MAP3K15: variants seen among roughly 807,000 people sequenced by gnomAD.
MAP3K15 encodes MAPK/ERK kinase kinase 15.
MAP3K15 carries 124 observed loss-of-function variants against 99.5 expected under a neutral mutation model. The ratio of observed to expected loss-of-function variants is 1.25; its 90% CI spans 1.08 to 1.45. MAP3K15 has a LOEUF of 1.45. MAP3K15 is among the 40% of genes most tolerant of loss of function. The pLI is 0.00. For synonymous variants in MAP3K15, 494 were observed against 439.6 expected (o/e 1.12, Z -1.55); for missense variants, 1,242 against 1,079.7 (o/e 1.15, Z -2.11).
intron 18 of MAP3K15, among the ~76,000 whole-genome samples, chrX:19,381,036 G>A (rs1159349414): frequency 1.8e-5 from 2 of 111,995 alleles, no homozygotes; most frequent in African/African-American, 3.2e-5. Flanking sequence ...TGCTGGCAGC[G>A]GTGGCAGTAA....
intron 7 of MAP3K15, among the ~76,000 whole-genome samples, chrX:19,426,575 G>A (rs754305162): frequency 1.8e-5 from 2 of 110,502 alleles, no homozygotes; most frequent in African/African-American, 6.6e-5. Flanking sequence ...AGCACTTTGG[G>A]AGGCCGAGGC....
Position 19,382,377 on chromosome X carries a change from A to T in MAP3K15, c.2432-2100T>A, listed in dbSNP as rs770945730. Among the ~76,000 whole-genome samples, 3 of 111,218 alleles carry T rather than the reference A, an allele frequency of 2.7e-5. No homozygotes were observed. The South Asian group carries it at 1.1e-3, about 42-fold the overall frequency. On this transcript the variant is annotated intron_variant, in intron 18 of 28. Coordinates refer to ENST00000338883, the MANE Select transcript of MAP3K15 (RefSeq NM_001001671.4). Reference sequence around the variant, plus strand: ...AGCATTCTTTAAATACTCTAGGGGCAGCTGTGACGGATGGAATGTCCTGCG... The same window carrying T: ...AGCATTCTTTAAATACTCTAGGGGCTGCTGTGACGGATGGAATGTCCTGCG...
intron 24 of MAP3K15, among the ~76,000 whole-genome samples, chrX:19,369,958 C>T (rs2147211753): frequency 9.0e-6 from 1 of 110,839 alleles, no homozygotes; most frequent in South Asian, 3.8e-4. Context: ...CAGGCTGCCA[C>T]CCAAGCCTGT....
chrX:19,446,759 G>T (rs1008181658), intron 6 of MAP3K15, among the ~76,000 whole-genome samples: 165 of 111,110 alleles, frequency 1.5e-3, no homozygotes, highest in African/African-American at 5.3e-3. Flanking sequence ...AATACACGGG[G>T]TGGCATCGGG....
chrX:19,494,398 A>C (rs2064387277), intron 1 of MAP3K15, among the ~76,000 whole-genome samples: 1 of 112,112 alleles, frequency 8.9e-6, no homozygotes. Flanking sequence ...AGTGTAATTT[A>C]AAAACCAGTT....
chrX:19,477,128 G>A (rs2064248212), intron 3 of MAP3K15, among the ~76,000 whole-genome samples: 1 of 112,062 alleles, frequency 8.9e-6, no homozygotes, highest in Non-Finnish European at 1.9e-5. Context: ...AAAGAAAATA[G>A]ATGGGTGCCA....
At chrX:19,392,508 G>A (rs2063535168) in intron 16 of MAP3K15, 35 bp from the exon 17 acceptor site, 1 of 1,186,686 alleles carries the variant, frequency 8.4e-7, no homozygotes, top group Non-Finnish European at 1.1e-6. Context: ...TTATCAGGAA[G>A]AGAAAGTTTC....
chrX:19,428,895 G>A (rs993069874), intron 7 of MAP3K15, among the ~76,000 whole-genome samples: 1 of 109,787 alleles, frequency 9.1e-6, no homozygotes. Context: ...CTTGAACCAG[G>A]GAGGTGGAGG....
At chrX:19,421,793 C>A (rs763805300) in intron 9 of MAP3K15, among the ~76,000 whole-genome samples, 2 of 109,947 alleles carry the variant, frequency 1.8e-5, no homozygotes, top group Non-Finnish European at 3.8e-5. Context: ...TACAAGGCTA[C>A]GGTAACCAAA....
At chrX:19,499,168 T>C (rs915022934) in intron 1 of MAP3K15, among the ~76,000 whole-genome samples, 6 of 111,875 alleles carry the variant, frequency 5.4e-5, no homozygotes, top group Non-Finnish European at 1.1e-4. Flanking sequence ...AAAAAGCACA[T>C]GGAGAAGTAC....
intron 19 of MAP3K15, among the ~76,000 whole-genome samples, chrX:19,377,394 A>G (rs1467399690): frequency 1.8e-5 from 2 of 111,229 alleles, no homozygotes; most frequent in East Asian, 5.7e-4. Flanking sequence ...AAAAATACAA[A>G]ATAGCCAGGC....
rs776800732 is a variant in MAP3K15, at chrX:19,360,830, A to G, written c.3861T>C (p.Gly1287=). ...KEDLRYLRLR[G]GLLCRLWSAV... ...CACTCCAGAGTCTGCAGAGGAGACC[A>G]CCCCTGGGAAACAAACACAGCTGTC... The change falls in exon 29 of 29, where the codon GGT becomes GGC. Residue 1287 remains glycine, a synonymous_variant. Coordinates refer to ENST00000338883, the MANE Select transcript of MAP3K15 (RefSeq NM_001001671.4). 4.2e-6 allele frequency: 5 copies of G among 1,196,784 alleles called. No homozygotes were observed. The Admixed American group carries it at 1.2e-4, about 28-fold the overall frequency.
At chrX:19,455,228 T>C (rs1281975002) in intron 6 of MAP3K15, among the ~76,000 whole-genome samples, 1 of 111,419 alleles carries the variant, frequency 9.0e-6, no homozygotes, top group Non-Finnish European at 1.9e-5. Context: ...GGTGGCTATC[T>C]GGTGTGCAAT....
At chrX:19,498,606 G>A (rs766928650) in intron 1 of MAP3K15, among the ~76,000 whole-genome samples, 3 of 112,055 alleles carry the variant, frequency 2.7e-5, no homozygotes, top group Non-Finnish European at 5.6e-5. Context: ...AGGCAGAAAG[G>A]CCACTGCATC....
intron 26 of MAP3K15, among the ~76,000 whole-genome samples, chrX:19,362,461 CTGGGTTCAAT>C (rs2063298628): frequency 9.1e-6 from 1 of 110,197 alleles, no homozygotes; most frequent in South Asian, 3.8e-4. Context: ...TCCTGAACTC[CTGGGTTCAAT>C]TGATCTGCTA....
At chrX:19,419,917 A>G (rs1170205175) in intron 9 of MAP3K15, among the ~76,000 whole-genome samples, 1 of 112,202 alleles carries the variant, frequency 8.9e-6, no homozygotes, top group Non-Finnish European at 1.9e-5. Flanking sequence ...ATGGAAACTG[A>G]ACAACCTACT....
At chrX:19,498,889 TAGGCAAGATAGAGC>T (rs1226580875) in intron 1 of MAP3K15, among the ~76,000 whole-genome samples, 1 of 112,273 alleles carries the variant, frequency 8.9e-6, no homozygotes, top group Non-Finnish European at 1.9e-5. Flanking sequence ...GAAGGTTCCT[TAGGCAAGATAGAGC>T]AGGCAACCAT....
chrX:19,486,302 T>C (rs1437791624), intron 3 of MAP3K15, among the ~76,000 whole-genome samples, 180 bp downstream of exon 3: 1 of 111,733 alleles, frequency 8.9e-6, no homozygotes, highest in Non-Finnish European at 1.9e-5. Flanking sequence ...AATGGCTGAG[T>C]GGGGCCTGGG....
chrX:19,402,498 T>A (rs1602275408), intron 13 of MAP3K15, among the ~76,000 whole-genome samples: 1 of 110,973 alleles, frequency 9.0e-6, no homozygotes, highest in South Asian at 3.8e-4. Context: ...TCAATATATA[T>A]GTTCACCAAA....
Sources: gnomAD v4.1 joint callset for allele counts (sites outside exome capture counted in the v4.1 genomes callset) on GRCh38, gnomAD v4.1.1 for gene constraint, MANE v1.5 for transcripts, NCBI Gene and HGNC (gene_info 2026-07-23, HGNC 2026-07-21) for gene names.